Variants in SCN8A observed in about 807,000 individuals in gnomAD.
SCN8A encodes sodium channel protein type 8 subunit alpha.
A neutral mutation model predicts 184.1 loss-of-function variants in SCN8A; 30 were observed. The observed-to-expected ratio is 0.16, with a 90% confidence interval of 0.12 to 0.22. SCN8A has a LOEUF of 0.22. SCN8A is among the 10% of genes least tolerant of loss of function. The pLI is 1.00. For synonymous variants in SCN8A, 852 were observed against 907.0 expected (o/e 0.94, Z 1.09); for missense variants, 1,057 against 2,498.9 (o/e 0.42, Z 12.30).
chr12:51,645,204 G>T (rs900116086), intron 1 of SCN8A, among the ~76,000 whole-genome samples: 11 of 146,036 alleles, frequency 7.5e-5, no homozygotes, highest in African/African-American at 2.6e-4. Context: ...GGAGGGAGGT[G>T]GGGGGGTCAG....
chr12:51,659,203 AAAG>A (rs1035237141), intron 1 of SCN8A, among the ~76,000 whole-genome samples: 4 of 152,210 alleles, frequency 2.6e-5, no homozygotes, highest in African/African-American at 9.7e-5. Flanking sequence ...GTGTTGGGTG[AAAG>A]AAGCCAGAAC....
chr12:51,600,882 A>G (rs1020111038), intron 1 of SCN8A, among the ~76,000 whole-genome samples: 1 of 152,180 alleles, frequency 6.6e-6, no homozygotes, highest in Non-Finnish European at 1.5e-5. Flanking sequence ...ATTCCATTAC[A>G]TTTACCACAG....
chr12:51,704,556 G>C (rs1404813678), intron 9 of SCN8A, among the ~76,000 whole-genome samples: 1 of 151,362 alleles, frequency 6.6e-6, no homozygotes, highest in African/African-American at 2.4e-5. Flanking sequence ...TGTAATCCCA[G>C]CTACTCGGGA....
At chr12:51,724,967 A>G (rs1419159301) in intron 12 of SCN8A, among the ~76,000 whole-genome samples, 3 of 152,170 alleles carry the variant, frequency 2.0e-5, no homozygotes, top group South Asian at 2.1e-4. Context: ...ACTGTGGTCT[A>G]TAAAGGTCTG....
chr12:51,604,504 GT>G (rs966453909), intron 1 of SCN8A, among the ~76,000 whole-genome samples: 1 of 151,412 alleles, frequency 6.6e-6, no homozygotes, highest in African/African-American at 2.4e-5. Flanking sequence ...TTTGTTTTTT[GT>G]TTTTTTAACG....
intron 20 of SCN8A, among the ~76,000 whole-genome samples, chr12:51,779,219 CAAAAA>C (rs35152992): frequency 8.0e-6 from 1 of 125,184 alleles, no homozygotes. Flanking sequence ...GACTTTGTCT[CAAAAA>C]AAAAAAAAAA....
chr12:51,798,402 T>C (rs1016238497), intron 26 of SCN8A, among the ~76,000 whole-genome samples: 1 of 152,224 alleles, frequency 6.6e-6, no homozygotes, highest in Non-Finnish European at 1.5e-5. Flanking sequence ...GTGTCTGTTC[T>C]GGTGAGGACA....
intron 16 of SCN8A, among the ~76,000 whole-genome samples, chr12:51,766,742 T>C (rs1942843478): frequency 6.6e-6 from 1 of 152,218 alleles, no homozygotes; most frequent in African/African-American, 2.4e-5. Context: ...ATCTGAGGAC[T>C]AGCAGCAACA....
chr12:51,719,982 A>G (rs1304030471), intron 11 of SCN8A, among the ~76,000 whole-genome samples: 1 of 147,840 alleles, frequency 6.8e-6, no homozygotes, highest in Non-Finnish European at 1.5e-5. Context: ...AGGCTGAGGC[A>G]GGAGAATGGC....
intron 1 of SCN8A, among the ~76,000 whole-genome samples, chr12:51,632,669 T>C (rs771619722): frequency 6.6e-6 from 1 of 152,196 alleles, no homozygotes; most frequent in Non-Finnish European, 1.5e-5. Flanking sequence ...TAATATGAAA[T>C]ATAAGAAGCA....
In SCN8A at chr12:51,806,653, C is replaced by T. The variant is rs1031935135; in HGVS notation, c.5167C>T (p.Leu1723=). The part of the protein sequence containing the change: ...PILNRPPDCS[L]DKEHPGSGFK... The stretch of plus-strand genomic sequence containing the variant: ...CCTAAACCGCCCCCCTGACTGCAGC[C>T]TAGATAAGGAACACCCAGGGAGTGG... Residue 1723 remains leucine, a synonymous_variant, in exon 27 of 27, where the codon CTA becomes TTA. Coordinates refer to ENST00000627620, the MANE Select transcript of SCN8A (RefSeq NM_001330260.2). This position sits in a 1 kb window ranked among gnomAD's most constrained non-coding sequence, Gnocchi z 8.7. The T allele has an allele frequency of 3.7e-6, 6 of 1,614,074 alleles. No individual in the cohort carries two copies. Among genetic ancestry groups the T allele is most frequent in the Non-Finnish European group, 5.1e-6 (6 of 1,180,018 alleles).
rs1317060716 is a variant in SCN8A at position 51,807,381 on chromosome 12, A to C, written c.5895A>C (p.Arg1965Ser). 6.2e-7 allele frequency: 1 copy of C among 1,613,342 alleles called. No homozygotes were observed. The highest frequency in any genetic ancestry group is 8.5e-7 in the Non-Finnish European group (1 of 1,179,542). The change falls in exon 27 of 27, where the codon AGA becomes AGC. Residue 1965 changes from arginine (R) to serine (S), a missense_variant. By Grantham distance (110) the Arg-to-Ser change is moderately radical. Around this residue, in one of 19 missense-constraint regions of SCN8A, gnomAD observed 95 missense variants for 140.2 expected, o/e 0.68. Coordinates refer to ENST00000627620, the MANE Select transcript of SCN8A (RefSeq NM_001330260.2). This position sits in a 1 kb window ranked among gnomAD's most constrained non-coding sequence, Gnocchi z 4.5. ...KEKQQRAEEG[R>S]RERAKRQKEV... The stretch of plus-strand genomic sequence containing the variant: ...AACAGCAGCGGGCAGAGGAAGGAAG[A>C]AGGGAAAGAGCCAAAAGACAAAAAG...
intron 1 of SCN8A, among the ~76,000 whole-genome samples, chr12:51,644,516 C>T (rs905864332): frequency 5.9e-5 from 9 of 152,228 alleles, no homozygotes; most frequent in Non-Finnish European, 1.3e-4. Context: ...CTACTTCAGA[C>T]GGAGTCTCGT....
chr12:51,631,207 A>G (rs1367578842), intron 1 of SCN8A, among the ~76,000 whole-genome samples: 2 of 151,996 alleles, frequency 1.3e-5, no homozygotes, highest in Non-Finnish European at 2.9e-5. Flanking sequence ...GCCCTTTTCT[A>G]TCTGTGCCAT....
At chr12:51,776,593 A>G (rs538116019) in intron 20 of SCN8A, among the ~76,000 whole-genome samples, 1 of 152,350 alleles carries the variant, frequency 6.6e-6, no homozygotes, top group South Asian at 2.1e-4. Context: ...TCCTGACTCC[A>G]GGCTTGTGCT....
chr12:51,751,935 T>A (rs1409665622), intron 14 of SCN8A, among the ~76,000 whole-genome samples: 1 of 152,176 alleles, frequency 6.6e-6, no homozygotes, highest in Non-Finnish European at 1.5e-5. Context: ...GATTCCTGCA[T>A]TGCTCCAGCA....
At chr12:51,789,818 G>C (rs1392459741) in intron 24 of SCN8A, among the ~76,000 whole-genome samples, 1 of 152,236 alleles carries the variant, frequency 6.6e-6, no homozygotes, top group Non-Finnish European at 1.5e-5. Flanking sequence ...GGATTTGAGA[G>C]ACCCACCTTT....
At chr12:51,704,795 A>C (rs1316840873) in intron 9 of SCN8A, among the ~76,000 whole-genome samples, 3 of 151,172 alleles carry the variant, frequency 2.0e-5, no homozygotes, top group Admixed American at 2.0e-4. Flanking sequence ...CAACATAGTG[A>C]AACCCCGTCT....
intron 21 of SCN8A, among the ~76,000 whole-genome samples, chr12:51,782,656 T>G (rs1441555428): frequency 6.6e-6 from 1 of 152,172 alleles, no homozygotes; most frequent in Non-Finnish European, 1.5e-5. Flanking sequence ...TACTAACTAT[T>G]TCCATCTAGA....
Sources: gnomAD v4.1 joint callset for allele counts (sites outside exome capture counted in the v4.1 genomes callset) on GRCh38, gnomAD v4.1.1 for gene constraint, gnomAD v4.1.1 regional missense constraint, Gnocchi (gnomAD v3.1) non-coding constraint, MANE v1.5 for transcripts, NCBI Gene and HGNC (gene_info 2026-07-23, HGNC 2026-07-21) for gene names.